KCNN2: variants seen among roughly 807,000 people sequenced by gnomAD.
The protein encoded by KCNN2 is potassium calcium-activated channel subfamily N member 2, also known as small conductance calcium-activated potassium channel protein 2.
A neutral mutation model predicts 55.5 loss-of-function variants in KCNN2; 24 were observed. The observed-to-expected ratio is 0.43, with a 90% CI of 0.31 to 0.61. The LOEUF (loss-of-function observed/expected upper bound fraction) is 0.61, where lower values mean the gene tolerates loss of function less well. Among genes scored for constraint, KCNN2 ranks in the 20% least tolerant of loss-of-function variants. The pLI, the probability that KCNN2 is intolerant of heterozygous loss-of-function variation, is 0.08. For synonymous variants in KCNN2, 431 were observed against 336.1 expected (o/e 1.28, Z -3.09); for missense variants, 754 against 853.6 (o/e 0.88, Z 1.45).
At chr5:114,223,013 C>G (rs1026539112) in intron 2 of KCNN2, among the ~76,000 whole-genome samples, 2 of 152,200 alleles carry the variant, frequency 1.3e-5, no homozygotes, top group African/African-American at 4.8e-5. Context: ...TGCTGTCCAT[C>G]TTTCTGACTA....
At chr5:114,489,414 G>T (rs890646898) in intron 6 of KCNN2, among the ~76,000 whole-genome samples, 32 of 152,012 alleles carry the variant, frequency 2.1e-4, no homozygotes, top group African/African-American at 7.2e-4. Flanking sequence ...GCTTGCACGG[G>T]GTCTCTTAGC....
At chr5:114,255,285 C>T (rs1754960603) in intron 2 of KCNN2, among the ~76,000 whole-genome samples, 1 of 152,090 alleles carries the variant, frequency 6.6e-6, no homozygotes, top group African/African-American at 2.4e-5. Context: ...TAAGTATATA[C>T]AAGATACAGT....
chr5:114,438,385 A>G (rs982214791), intron 3 of KCNN2, among the ~76,000 whole-genome samples: 4 of 152,156 alleles, frequency 2.6e-5, no homozygotes, highest in African/African-American at 9.7e-5. Context: ...GAGGATTATG[A>G]TAGGGGAAAG....
chr5:114,482,797 G>A (rs946444640), intron 5 of KCNN2, among the ~76,000 whole-genome samples: 1 of 152,124 alleles, frequency 6.6e-6, no homozygotes, highest in African/African-American at 2.4e-5. Context: ...AACACTACAT[G>A]TTCTGACTTA....
chr5:114,384,256 G>A (rs1215743216), intron 2 of KCNN2, among the ~76,000 whole-genome samples: 4 of 152,152 alleles, frequency 2.6e-5, no homozygotes, highest in Admixed American at 1.3e-4. Flanking sequence ...AGTTTCCTCC[G>A]AATTTTACAT....
chr5:114,076,099 G>A (rs193181797), intron 1 of KCNN2, among the ~76,000 whole-genome samples: 16 of 152,320 alleles, frequency 1.1e-4, no homozygotes, highest in South Asian at 6.2e-4. Flanking sequence ...CAGGAATTCC[G>A]CTCTTCTTTA....
chr5:114,120,356 T>G (rs1431404302), intron 1 of KCNN2, among the ~76,000 whole-genome samples: 1 of 152,180 alleles, frequency 6.6e-6, no homozygotes, highest in African/African-American at 2.4e-5. Context: ...AGCTGCCAAT[T>G]TGTTTATCCC....
intron 2 of KCNN2, among the ~76,000 whole-genome samples, chr5:114,341,190 A>T (rs1436192938): frequency 1.3e-5 from 2 of 152,188 alleles, no homozygotes; most frequent in East Asian, 3.9e-4. Context: ...TCTATATGTT[A>T]GTTTAATCAA....
intron 3 of KCNN2, among the ~76,000 whole-genome samples, chr5:114,458,481 A>G (rs1003255860): frequency 1.2e-4 from 18 of 152,210 alleles, no homozygotes; most frequent in African/African-American, 4.3e-4. Flanking sequence ...CTAAAAATCT[A>G]GCATGTGGCC....
At chr5:114,120,882 A>T (rs1443686024) in intron 1 of KCNN2, among the ~76,000 whole-genome samples, 4 of 152,222 alleles carry the variant, frequency 2.6e-5, no homozygotes, top group Non-Finnish European at 1.5e-5. Flanking sequence ...TATCTGCTGT[A>T]TGATCCTGAG....
intron 2 of KCNN2, among the ~76,000 whole-genome samples, chr5:114,397,044 A>G (rs1758641563): frequency 6.6e-6 from 1 of 152,166 alleles, no homozygotes; most frequent in Non-Finnish European, 1.5e-5. Flanking sequence ...GCTGCTGCAA[A>G]TGATATGATC....
At chr5:114,290,187 A>T (rs779581107) in intron 2 of KCNN2, among the ~76,000 whole-genome samples, 11 of 152,124 alleles carry the variant, frequency 7.2e-5, no homozygotes, top group South Asian at 2.1e-4. Flanking sequence ...TTGATGTTAA[A>T]TCTTTTTTAT....
chr5:114,339,716 T>G (rs1004302413), intron 2 of KCNN2, among the ~76,000 whole-genome samples: 2 of 152,014 alleles, frequency 1.3e-5, no homozygotes, highest in African/African-American at 4.8e-5. Flanking sequence ...GGTGGGAGGA[T>G]TGCTTGAGCC....
rs544457163 is a variant in KCNN2, at chr5:114,316,431, A to G, written c.-184-44514A>G. 3.6e-4 allele frequency among the ~76,000 whole-genome samples: 55 copies of G among 152,266 alleles called. 1 individual carries two copies. In the South Asian group the frequency reaches 0.011, roughly 30 times the overall value. On this transcript the variant is annotated intron_variant, in intron 2 of 10. Transcript: ENST00000512097. ...GATTTTGAAACCGCTAGACTAGCTTAACGCCCTTGATTTACAGATACCAAC... is the reference window on the plus strand; with the variant it reads ...GATTTTGAAACCGCTAGACTAGCTTGACGCCCTTGATTTACAGATACCAAC...
intron 2 of KCNN2, among the ~76,000 whole-genome samples, chr5:114,366,172 A>G (rs72799684): frequency 0.037 from 5,684 of 152,304 alleles, 143 homozygotes; most frequent in Non-Finnish European, 0.052. Context: ...GACCATTTCA[A>G]TTATGCATAT....
At chr5:114,430,684 C>T (rs1759765228) in intron 3 of KCNN2, among the ~76,000 whole-genome samples, 1 of 152,028 alleles carries the variant, frequency 6.6e-6, no homozygotes, top group Non-Finnish European at 1.5e-5. Context: ...ACCAGGAAAG[C>T]ACCTAGTTTC....
chr5:114,200,630 G>A (rs972594698), intron 1 of KCNN2, among the ~76,000 whole-genome samples: 1 of 151,670 alleles, frequency 6.6e-6, no homozygotes, highest in African/African-American at 2.4e-5. Context: ...TTGTACATCT[G>A]GTATAGCTGT....
intron 2 of KCNN2, among the ~76,000 whole-genome samples, chr5:114,263,312 C>T (rs1416211335): frequency 6.6e-6 from 1 of 152,170 alleles, no homozygotes; most frequent in Non-Finnish European, 1.5e-5. Context: ...TGAAGTGAAG[C>T]CAGTGGTCAC....
Position 114,150,089 on chromosome 5 carries a change from C to T in KCNN2, c.-270-71391C>T, listed in dbSNP as rs553933835. On this transcript the variant is annotated intron_variant, in intron 1 of 10. Coordinates refer to the KCNN2 transcript ENST00000512097. ...CATAGGCTCTCTGCAGGGGGAAGCACATCACGTACTGTTGGCTCATTCTGG... is the reference window on the plus strand; with the variant it reads ...CATAGGCTCTCTGCAGGGGGAAGCATATCACGTACTGTTGGCTCATTCTGG... 2.6e-5 allele frequency among the ~76,000 whole-genome samples: 4 copies of T among 152,326 alleles called. No individual in the cohort carries two copies. In the South Asian group the frequency reaches 6.2e-4, roughly 24 times the overall value.
Sources: allele counts gnomAD v4.1 joint callset (sites outside exome capture counted in the v4.1 genomes callset), GRCh38; gene constraint gnomAD v4.1.1; transcripts MANE v1.5; gene names NCBI Gene and HGNC (gene_info 2026-07-23, HGNC 2026-07-21).